The following FAM107B variants were observed in gnomAD, a reference collection of about 807,000 sequenced individuals.
The protein encoded by FAM107B is protein FAM107B.
FAM107B carries 21 observed loss-of-function variants against 31.5 expected under a neutral mutation model. The observed-to-expected ratio is 0.67, with a 90% confidence interval of 0.47 to 0.96. The LOEUF (loss-of-function observed/expected upper bound fraction) is 0.96. Ranked by LOEUF, FAM107B falls within the 40% of genes least tolerant of loss-of-function variation. The probability of loss-of-function intolerance (pLI) is 0.00; values close to 1 mark genes in which losing one functional copy is unlikely to be tolerated. For missense variants in FAM107B, 452 were observed against 377.1 expected (o/e 1.20, Z -1.64); for synonymous variants, 157 against 141.5 (o/e 1.11, Z -0.78).
intron 1 of FAM107B, among the ~76,000 whole-genome samples, chr10:14,765,915 C>G (rs1301718912): frequency 2.6e-5 from 4 of 152,086 alleles, no homozygotes; most frequent in Admixed American, 6.5e-5. Flanking sequence ...TAGAGCTGAT[C>G]CCAGTAATGC....
chr10:14,557,782 T>G (rs1849829311), intron 2 of FAM107B, among the ~76,000 whole-genome samples: 1 of 152,310 alleles, frequency 6.6e-6, no homozygotes, highest in South Asian at 2.1e-4. Context: ...CCAGGGGGAT[T>G]AGCAGCCTGC....
intron 1 of FAM107B, among the ~76,000 whole-genome samples, chr10:14,773,252 G>A (rs557975384): frequency 5.3e-5 from 8 of 152,312 alleles, no homozygotes; most frequent in African/African-American, 1.9e-4. Context: ...TTTTTTAAAT[G>A]ATGTTTTAAC....
At chr10:14,691,748 G>T (rs1588709048) in intron 1 of FAM107B, among the ~76,000 whole-genome samples, 1 of 151,980 alleles carries the variant, frequency 6.6e-6, no homozygotes, top group East Asian at 1.9e-4. Flanking sequence ...CAAAAAATTA[G>T]CCAGGCATGG....
chr10:14,715,393 T>G (rs561801358), intron 1 of FAM107B, among the ~76,000 whole-genome samples: 1 of 152,256 alleles, frequency 6.6e-6, no homozygotes, highest in South Asian at 2.1e-4. Context: ...ATTAGTAAGA[T>G]AGAAAAATAT....
chr10:14,585,659 A>G (rs1416007673), intron 2 of FAM107B, among the ~76,000 whole-genome samples: 2 of 152,250 alleles, frequency 1.3e-5, no homozygotes, highest in African/African-American at 4.8e-5. Flanking sequence ...AGTGTGGCGC[A>G]GAACGTTCTT....
At chr10:14,604,900 T>A (rs1852549632) in intron 2 of FAM107B, among the ~76,000 whole-genome samples, 1 of 152,098 alleles carries the variant, frequency 6.6e-6, no homozygotes, top group Non-Finnish European at 1.5e-5. Flanking sequence ...CTCTGTCTCA[T>A]TCTTTCATTC....
Position 14,618,457 on chromosome 10 carries a change from G to A in FAM107B, c.469+49177C>T, listed in dbSNP as rs552711922. Among the ~76,000 whole-genome samples, 4 of 152,206 alleles carry A rather than the reference G, an allele frequency of 2.6e-5. No homozygotes were observed. In the East Asian group the frequency reaches 7.7e-4, roughly 29 times the overall value. On this transcript the variant is annotated intron_variant, in intron 2 of 4. Coordinates refer to ENST00000181796, the MANE Select transcript of FAM107B (RefSeq NM_031453.4). The stretch of plus-strand genomic sequence containing the variant: ...GACTGTCGGGTTGTATGGTATTATG[G>A]GTTGGATTCTGTCCCTTGCCCCCAC...
intron 2 of FAM107B, among the ~76,000 whole-genome samples, chr10:14,542,847 A>G (rs1444729832): frequency 6.6e-6 from 1 of 152,258 alleles, no homozygotes; most frequent in Non-Finnish European, 1.5e-5. Flanking sequence ...TCTTTTGCCA[A>G]AGAAAGATAA....
intron 1 of FAM107B, among the ~76,000 whole-genome samples, chr10:14,737,836 G>A (rs1382304187): frequency 6.9e-6 from 1 of 145,488 alleles, no homozygotes; most frequent in Admixed American, 6.9e-5. Flanking sequence ...CACAAGCACT[G>A]TGCCTCAGTT....
At chr10:14,697,371 A>G (rs1855291646) in intron 1 of FAM107B, among the ~76,000 whole-genome samples, 1 of 152,138 alleles carries the variant, frequency 6.6e-6, no homozygotes, top group South Asian at 2.1e-4. Flanking sequence ...ATCCGGAATC[A>G]TTTTCAGAGC....
At chr10:14,687,327 A>G (rs1855014477) in intron 1 of FAM107B, among the ~76,000 whole-genome samples, 1 of 152,150 alleles carries the variant, frequency 6.6e-6, no homozygotes, top group Admixed American at 6.5e-5. Flanking sequence ...AAATAAACCT[A>G]CAGCTGAAAT....
intron 1 of FAM107B, among the ~76,000 whole-genome samples, chr10:14,672,082 T>C (rs1341979318): frequency 7.9e-6 from 1 of 127,230 alleles, no homozygotes; most frequent in African/African-American, 2.9e-5. Flanking sequence ...TTTTTTTCTT[T>C]CTTTTTATTT....
chr10:14,628,112 G>GTTTTTTTTTGTTTTTTTTTTT lies in FAM107B; in HGVS notation c.469+39521_469+39522insAAAAAAAAAAACAAAAAAAAA, dbSNP rs58879328. Among the ~76,000 whole-genome samples the GTTTTTTTTTGTTTTTTTTTTT allele has an allele frequency of 1.3e-3, 122 of 92,670 alleles. 10 individuals are homozygous for GTTTTTTTTTGTTTTTTTTTTT. The highest frequency in any genetic ancestry group is 5.7e-3 in the East Asian group (13 of 2,286). 60.8% of individuals were successfully genotyped at this position (92,670 alleles called of 152,430 possible). ...TCCTTGTTTGTTTTTTGTTTTGCTG[G>GTTTTTTTTTGTTTTTTTTTTT]TTTTTTTTTTTTTTTTTTTTTGAGA... On this transcript the variant is annotated intron_variant, in intron 2 of 4. Transcript: ENST00000181796.
At chr10:14,740,240 T>A (rs7896448) in intron 1 of FAM107B, among the ~76,000 whole-genome samples, 6,615 of 152,244 alleles carry the variant, frequency 0.043, 263 homozygotes, top group African/African-American at 0.1. Flanking sequence ...TAAACACACA[T>A]GTGGAACATC....
chr10:14,728,566 C>A (rs1469431897), intron 1 of FAM107B, among the ~76,000 whole-genome samples: 1 of 152,164 alleles, frequency 6.6e-6, no homozygotes, highest in East Asian at 1.9e-4. Context: ...ACAGCTTCCC[C>A]ACCCTGATAT....
intron 2 of FAM107B, among the ~76,000 whole-genome samples, chr10:14,557,007 G>A (rs1849764068): frequency 6.6e-6 from 1 of 152,152 alleles, no homozygotes; most frequent in African/African-American, 2.4e-5. Context: ...TGGTGCACAT[G>A]ATGTCCCCAC....
intron 2 of FAM107B, among the ~76,000 whole-genome samples, chr10:14,624,706 A>G (rs1029914796): frequency 1.3e-5 from 2 of 152,218 alleles, no homozygotes; most frequent in Admixed American, 1.3e-4. Context: ...GTATTTGAGC[A>G]TAACAAGCTG....
intron 2 of FAM107B, among the ~76,000 whole-genome samples, chr10:14,593,664 A>T (rs902605557): frequency 6.6e-6 from 1 of 151,950 alleles, no homozygotes; most frequent in African/African-American, 2.4e-5. Context: ...ACTGTACTCC[A>T]GCCAGGGGAC....
chr10:14,604,844 TCTCATTCTCTCC>T (rs1852547546), intron 2 of FAM107B, among the ~76,000 whole-genome samples: 1 of 150,830 alleles, frequency 6.6e-6, no homozygotes, highest in Admixed American at 6.6e-5. Context: ...TCTCTCTTTC[TCTCATTCTCTCC>T]CTCATTCTCA....
Sources: gnomAD v4.1 joint callset for allele counts (sites outside exome capture counted in the v4.1 genomes callset) on GRCh38, gnomAD v4.1.1 for gene constraint, MANE v1.5 for transcripts, NCBI Gene and HGNC (gene_info 2026-07-23, HGNC 2026-07-21) for gene names.